NCOA2: variants seen among roughly 807,000 people sequenced by gnomAD.
NCOA2 encodes nuclear receptor coactivator 2, also known as class E basic helix-loop-helix protein 75.
In NCOA2, 21 loss-of-function variants were observed where a neutral mutation model predicts 145.1. That is an observed-to-expected ratio of 0.14 (90% confidence interval 0.10 to 0.21). NCOA2 has a LOEUF of 0.21. Among genes scored for constraint, NCOA2 ranks in the 10% least tolerant of loss-of-function variants. NCOA2 has a pLI of 1.00. For synonymous variants in NCOA2, 619 were observed against 637.5 expected (o/e 0.97, Z 0.44); for missense variants, 1,472 against 1,837.6 (o/e 0.80, Z 3.64).
intron 1 of NCOA2, among the ~76,000 whole-genome samples, chr8:70,340,157 T>G (rs78890364): frequency 6.6e-6 from 1 of 152,128 alleles, no homozygotes; most frequent in Non-Finnish European, 1.5e-5. Context: ...ACAGACAACC[T>G]ACAGAATGGG....
intron 1 of NCOA2, among the ~76,000 whole-genome samples, chr8:70,308,113 G>A (rs913108373): frequency 6.6e-6 from 1 of 152,008 alleles, no homozygotes; most frequent in South Asian, 2.1e-4. Context: ...ATATGTCTCT[G>A]AACTGTAACT....
chr8:70,422,183 C>T, the NCOA2 span, among the ~76,000 whole-genome samples: 1 of 151,922 alleles, frequency 6.6e-6, no homozygotes, highest in Non-Finnish European at 1.5e-5. Flanking sequence ...CTTCATTTCT[C>T]TGGGGCCCAA....
At chr8:70,401,100 CAT>C (rs1324894217) in intron 1 of NCOA2, among the ~76,000 whole-genome samples, 47 of 151,010 alleles carry the variant, frequency 3.1e-4, no homozygotes, top group Middle Eastern at 3.4e-3. Context: ...CACACACACA[CAT>C]ACACACACAC....
At chr8:70,222,187 T>C (rs1820198069) in intron 2 of NCOA2, among the ~76,000 whole-genome samples, 5 of 152,184 alleles carry the variant, frequency 3.3e-5, no homozygotes, top group Admixed American at 3.3e-4. Flanking sequence ...CAGAAAAATC[T>C]AGAATTTGTT....
chr8:70,391,056 G>C (rs1813156407), intron 1 of NCOA2, among the ~76,000 whole-genome samples: 1 of 152,164 alleles, frequency 6.6e-6, no homozygotes, highest in South Asian at 2.1e-4. Context: ...TAGGTATAAA[G>C]TAAAGAAGAT....
At chr8:70,373,769 T>C (rs932449857) in intron 1 of NCOA2, among the ~76,000 whole-genome samples, 2 of 152,184 alleles carry the variant, frequency 1.3e-5, no homozygotes, top group Non-Finnish European at 1.5e-5. Context: ...CCCATACCAA[T>C]ATCCAGTTGT....
At chr8:70,184,883 C>G (rs551061679) in intron 4 of NCOA2, among the ~76,000 whole-genome samples, 1 of 152,310 alleles carries the variant, frequency 6.6e-6, no homozygotes, top group Non-Finnish European at 1.5e-5. Flanking sequence ...TGAAAACCAT[C>G]CTAGTACCTG....
At chr8:70,348,488 C>T (rs921313584) in intron 1 of NCOA2, among the ~76,000 whole-genome samples, 10 of 152,116 alleles carry the variant, frequency 6.6e-5, no homozygotes, top group African/African-American at 2.4e-4. Flanking sequence ...TTAATCTCAC[C>T]TCAGTGTAAC....
At chr8:70,422,505 G>A in the NCOA2 span, among the ~76,000 whole-genome samples, 1 of 151,916 alleles carries the variant, frequency 6.6e-6, no homozygotes, top group Non-Finnish European at 1.5e-5. Context: ...CTGCTTCCCA[G>A]GGTCGAGCGA....
intron 1 of NCOA2, among the ~76,000 whole-genome samples, chr8:70,371,006 G>A (rs996126068): frequency 3.9e-5 from 6 of 152,104 alleles, no homozygotes; most frequent in Non-Finnish European, 7.4e-5. Context: ...AAAGGTAACC[G>A]GCCGGGCACG....
At chr8:70,381,466 G>A (rs970896767) in intron 1 of NCOA2, among the ~76,000 whole-genome samples, 1 of 152,048 alleles carries the variant, frequency 6.6e-6, no homozygotes, top group East Asian at 1.9e-4. Flanking sequence ...AAATGTATTA[G>A]GACTCTGTGA....
chr8:70,138,757 TAA>T (rs931032297), intron 14 of NCOA2, among the ~76,000 whole-genome samples: 1 of 152,252 alleles, frequency 6.6e-6, no homozygotes, highest in African/African-American at 2.4e-5. Context: ...ATTGCAAAAT[TAA>T]AAAATTCTTT....
chr8:70,369,938 G>C lies in NCOA2; in HGVS notation c.-77+33762C>G, dbSNP rs534944595. The stretch of plus-strand genomic sequence containing the variant: ...ATTTTTTGAGACAGGGTTTCATTCT[G>C]TCGCCCAGGCTGGAGTGCAGTGGTG... On this transcript the variant is annotated intron_variant, in intron 1 of 22. Transcript: ENST00000452400. 4.0e-5 allele frequency among the ~76,000 whole-genome samples: 6 copies of C among 150,910 alleles called. No individual in the cohort carries two copies. In the South Asian group the frequency reaches 1.3e-3, roughly 32 times the overall value.
At chr8:70,117,386 G>A (rs981426279) in intron 22 of NCOA2, among the ~76,000 whole-genome samples, 7 of 152,204 alleles carry the variant, frequency 4.6e-5, no homozygotes, top group East Asian at 1.9e-4. Context: ...TGGTAAATTC[G>A]AGGCCAAAAG....
intron 18 of NCOA2, among the ~76,000 whole-genome samples, chr8:70,128,021 C>G (rs1447139828): frequency 6.6e-6 from 1 of 152,168 alleles, no homozygotes; most frequent in Non-Finnish European, 1.5e-5. Flanking sequence ...AACAGGTGTG[C>G]TAGATAAGCG....
At chr8:70,123,244 A>G (rs1808026081) in intron 21 of NCOA2, among the ~76,000 whole-genome samples, 1 of 152,224 alleles carries the variant, frequency 6.6e-6, no homozygotes, top group Non-Finnish European at 1.5e-5. Context: ...TTTTTGGATT[A>G]TCTGTGTCGG....
rs115607902 is a variant in NCOA2 at position 70,260,687 on chromosome 8, A to T, written c.-20+36057T>A. Among the ~76,000 whole-genome samples, 1,414 of 152,308 alleles carry T rather than the reference A, an allele frequency of 9.3e-3. 22 individuals carry two copies. Among genetic ancestry groups the T allele is most frequent in the African/African-American group, 0.032 (1,317 of 41,574 alleles). ...TAAAATTACTGAATAGTACACTAAC[A>T]TCCATGTTCTACTCTTAAAGATACT... On this transcript the variant is annotated intron_variant, in intron 2 of 22. Transcript: ENST00000452400.
intron 5 of NCOA2, among the ~76,000 whole-genome samples, chr8:70,173,594 C>T (rs1814485933): frequency 6.6e-6 from 1 of 151,986 alleles, no homozygotes. Flanking sequence ...TTGCTTTTCT[C>T]CTGGAAAGGG....
chr8:70,339,215 C>T (rs1381202981), intron 1 of NCOA2, among the ~76,000 whole-genome samples: 1 of 152,150 alleles, frequency 6.6e-6, no homozygotes, highest in East Asian at 1.9e-4. Flanking sequence ...GCTTCCTAAA[C>T]TGATAAGCAA....
Sources: allele counts gnomAD v4.1 joint callset (sites outside exome capture counted in the v4.1 genomes callset), GRCh38; gene constraint gnomAD v4.1.1; transcripts MANE v1.5; gene names NCBI Gene and HGNC (gene_info 2026-07-23, HGNC 2026-07-21).